The following COG6 variants were observed in gnomAD, a reference collection of about 807,000 sequenced individuals.
The protein encoded by COG6 is component of oligomeric golgi complex 6.
Under a neutral mutation model 88.8 loss-of-function variants are expected in COG6, and 74 were observed. The observed-to-expected ratio is 0.83, with a 90% CI of 0.69 to 1.01. COG6 has a LOEUF of 1.01. Ranked by LOEUF, COG6 falls within the 50% of genes least tolerant of loss-of-function variation. The pLI is 0.00. For synonymous variants in COG6, 286 were observed against 278.7 expected (o/e 1.03, Z -0.26); for missense variants, 800 against 797.9 (o/e 1.00, Z -0.03).
intron 12 of COG6, among the ~76,000 whole-genome samples, chr13:39,697,693 C>G (rs1168238192): frequency 6.6e-6 from 1 of 151,942 alleles, no homozygotes; most frequent in Non-Finnish European, 1.5e-5. Flanking sequence ...CCTCATTCCC[C>G]TCCAGTCTAG....
intron 4 of COG6, among the ~76,000 whole-genome samples, chr13:39,675,582 G>C (rs1429063252): frequency 6.6e-6 from 1 of 152,074 alleles, no homozygotes; most frequent in African/African-American, 2.4e-5. Context: ...TATAGAGCCT[G>C]TGTTTCTGTC....
chr13:39,678,534 C>G (rs146975191), intron 5 of COG6, among the ~76,000 whole-genome samples: 2 of 152,048 alleles, frequency 1.3e-5, no homozygotes, highest in African/African-American at 4.8e-5. Flanking sequence ...ATTATATAAC[C>G]TCTCAAAATG....
chr13:39,693,911 T>A (rs1877116731), intron 11 of COG6, among the ~76,000 whole-genome samples: 1 of 151,918 alleles, frequency 6.6e-6, no homozygotes, highest in African/African-American at 2.4e-5. Context: ...TAGAAACTAG[T>A]TAGGAAAGCA....
At chr13:39,669,205 A>T (rs1450352657) in intron 4 of COG6, among the ~76,000 whole-genome samples, 1 of 152,230 alleles carries the variant, frequency 6.6e-6, no homozygotes. Flanking sequence ...ATTAGATTGC[A>T]TTTTATAACA....
intron 18 of COG6, among the ~76,000 whole-genome samples, chr13:39,775,060 A>G (rs1881424902): frequency 1.3e-5 from 2 of 152,150 alleles, no homozygotes; most frequent in Admixed American, 6.6e-5. Context: ...TCCATTGCTC[A>G]TTGCTCTCCC....
At chr13:39,707,753 A>T (rs1189624274) in intron 13 of COG6, among the ~76,000 whole-genome samples, 1 of 152,022 alleles carries the variant, frequency 6.6e-6, no homozygotes, top group African/African-American at 2.4e-5. Context: ...TTGTGTAGTA[A>T]TTTCATTATA....
intron 4 of COG6, among the ~76,000 whole-genome samples, chr13:39,676,488 A>C (rs528564093): frequency 4.0e-5 from 6 of 151,158 alleles, no homozygotes; most frequent in Non-Finnish European, 5.9e-5. Flanking sequence ...TGAAATAAAC[A>C]GATCTTTGCT....
chr13:39,767,268 C>CA (rs1020327523), intron 18 of COG6, among the ~76,000 whole-genome samples: 1 of 152,120 alleles, frequency 6.6e-6, no homozygotes, highest in African/African-American at 2.4e-5. Context: ...GGTTTTGAGA[C>CA]AAAAAATAAT....
chr13:39,759,882 GGC>G (rs1880958786), intron 18 of COG6, among the ~76,000 whole-genome samples: 1 of 152,128 alleles, frequency 6.6e-6, no homozygotes, highest in African/African-American at 2.4e-5. Flanking sequence ...TTGTTGATAA[GGC>G]CACAAGTATT....
At chr13:39,663,868 A>G (rs938081490) in intron 3 of COG6, among the ~76,000 whole-genome samples, 5 of 148,688 alleles carry the variant, frequency 3.4e-5, no homozygotes, top group African/African-American at 1.2e-4. Flanking sequence ...AGGCTGGGTG[A>G]CAGAGTGAGA....
intron 13 of COG6, among the ~76,000 whole-genome samples, chr13:39,711,876 T>C (rs1182979396): frequency 6.6e-6 from 1 of 152,208 alleles, no homozygotes; most frequent in African/African-American, 2.4e-5. Flanking sequence ...GTTTTTGTTT[T>C]TGAGATTGAG....
chr13:39,695,298 T>C (rs575789911), intron 12 of COG6, among the ~76,000 whole-genome samples: 61 of 151,968 alleles, frequency 4.0e-4, no homozygotes, highest in African/African-American at 1.4e-3. Context: ...GAACCACTTG[T>C]CTTATATAAA....
intron 18 of COG6, among the ~76,000 whole-genome samples, chr13:39,761,494 C>A (rs1881011500): frequency 6.6e-6 from 1 of 151,848 alleles, no homozygotes; most frequent in African/African-American, 2.4e-5. Context: ...ATGGAGAAAA[C>A]CTCAAAAGCA....
At chr13:39,740,647 A>C (rs1000848588) in intron 18 of COG6, among the ~76,000 whole-genome samples, 11 of 152,182 alleles carry the variant, frequency 7.2e-5, no homozygotes, top group Non-Finnish European at 1.3e-4. Context: ...TCTGGCATAT[A>C]TGATGATAGA....
At chr13:39,699,186 T>G (rs1158849613) in intron 12 of COG6, among the ~76,000 whole-genome samples, 1 of 151,560 alleles carries the variant, frequency 6.6e-6, no homozygotes, top group Admixed American at 6.6e-5. Context: ...GAGATATATA[T>G]TTACTCTAAT....
intron 18 of COG6, among the ~76,000 whole-genome samples, chr13:39,728,599 A>C (rs1189962686): frequency 6.6e-6 from 1 of 151,980 alleles, no homozygotes. Context: ...TACTATTTAC[A>C]TAACCAGAAT....
intron 18 of COG6, among the ~76,000 whole-genome samples, chr13:39,750,597 T>C (rs1880568975): frequency 6.6e-6 from 1 of 152,212 alleles, no homozygotes; most frequent in Admixed American, 6.6e-5. Context: ...TTACCACTTT[T>C]GCAAAATCAA....
At chr13:39,753,167 G>A (rs764844524), downstream of COG6, among the ~76,000 whole-genome samples, 1 of 152,130 alleles carries the variant, frequency 6.6e-6, no homozygotes, top group Non-Finnish European at 1.5e-5. Context: ...TAGGAGGTGG[G>A]TCCTTTGAGA....
intron 2 of COG6, 54 bp from the exon 3 acceptor site, chr13:39,660,756 G>C: frequency 8.7e-7 from 1 of 1,150,978 alleles, no homozygotes; most frequent in Non-Finnish European, 1.3e-6. Context: ...TAACAGAAGA[G>C]AATCTTCTTC....
Sources: allele counts gnomAD v4.1 joint callset (sites outside exome capture counted in the v4.1 genomes callset), GRCh38; gene constraint gnomAD v4.1.1; transcripts MANE v1.5; gene names NCBI Gene and HGNC (gene_info 2026-07-23, HGNC 2026-07-21).